The following CAMK4 variants were observed in gnomAD, a reference collection of about 807,000 sequenced individuals.
CAMK4 encodes the protein calcium/calmodulin dependent protein kinase IV, also known as calcium/calmodulin-dependent protein kinase type IV.
In CAMK4, 22 loss-of-function variants were observed where a neutral mutation model predicts 44.9. That is an observed-to-expected ratio of 0.49 (90% CI 0.35 to 0.70). The LOEUF is 0.70. Among genes scored for constraint, CAMK4 ranks in the 30% least tolerant of loss-of-function variants. The pLI is 0.01. For missense variants in CAMK4, 498 were observed against 586.8 expected (o/e 0.85, Z 1.56); for synonymous variants, 218 against 215.4 (o/e 1.01, Z -0.11).
chr5:111,372,826 C>G (rs1260076299), intron 2 of CAMK4, among the ~76,000 whole-genome samples: 1 of 152,134 alleles, frequency 6.6e-6, no homozygotes, highest in East Asian at 1.9e-4. Context: ...TTCCTTTACT[C>G]CTTTGCTGCA....
At chr5:111,260,359 T>C (rs1001487078) in intron 1 of CAMK4, among the ~76,000 whole-genome samples, 1 of 152,238 alleles carries the variant, frequency 6.6e-6, no homozygotes, top group Non-Finnish European at 1.5e-5. Flanking sequence ...TTCATTCCTT[T>C]GGCCCCACCT....
chr5:111,427,845 G>C (rs1407646968), intron 5 of CAMK4, among the ~76,000 whole-genome samples: 1 of 152,264 alleles, frequency 6.6e-6, no homozygotes, highest in Non-Finnish European at 1.5e-5. Context: ...AAGCCTGGAT[G>C]GCTTTGCCAC....
At chr5:111,363,770 G>A (rs1205120628) in intron 2 of CAMK4, among the ~76,000 whole-genome samples, 2 of 152,124 alleles carry the variant, frequency 1.3e-5, no homozygotes, top group African/African-American at 4.8e-5. Context: ...ATGAAGGACA[G>A]TGACATCAGA....
intron 5 of CAMK4, among the ~76,000 whole-genome samples, chr5:111,417,534 A>T (rs1231533135): frequency 1.3e-5 from 2 of 151,976 alleles, no homozygotes; most frequent in African/African-American, 4.8e-5. Context: ...TTAAAAAAAA[A>T]AAATTGTAAA....
chr5:111,353,429 T>A (rs1355720433), intron 2 of CAMK4, among the ~76,000 whole-genome samples: 1 of 152,068 alleles, frequency 6.6e-6, no homozygotes, highest in Admixed American at 6.6e-5. Flanking sequence ...CCTTGCTATA[T>A]GGATGTTATT....
rs530077839 is a variant in CAMK4, at chr5:111,386,696, C to T, written c.387-8014C>T. Among the ~76,000 whole-genome samples, 87 of 152,264 alleles carry T rather than the reference C, an allele frequency of 5.7e-4. 1 individual carries two copies. Among genetic ancestry groups the T allele is most frequent in the South Asian group, 4.1e-3 (20 of 4,828 alleles). On this transcript the variant is annotated intron_variant, in intron 4 of 10. Coordinates refer to ENST00000282356, the MANE Select transcript of CAMK4 (RefSeq NM_001744.6). ...TTAAATGATGGGAAGAAAAACACACCAACTGAGGAGAAGAGCACGGGCACC... is the reference window on the plus strand; with the variant it reads ...TTAAATGATGGGAAGAAAAACACACTAACTGAGGAGAAGAGCACGGGCACC...
At chr5:111,272,537 C>T (rs560079029) in intron 1 of CAMK4, among the ~76,000 whole-genome samples, 7 of 151,998 alleles carry the variant, frequency 4.6e-5, no homozygotes, top group East Asian at 1.9e-4. Context: ...AAAACTTAAA[C>T]GGGATTTAAC....
intron 1 of CAMK4, among the ~76,000 whole-genome samples, chr5:111,343,766 C>T (rs1405474083): frequency 6.6e-6 from 1 of 151,666 alleles, no homozygotes. Context: ...AATGCAGTAG[C>T]CCTAGTTATG....
chr5:111,268,195 T>C (rs915791177), intron 1 of CAMK4, among the ~76,000 whole-genome samples: 3 of 152,232 alleles, frequency 2.0e-5, no homozygotes, highest in African/African-American at 7.2e-5. Flanking sequence ...TTTATATATT[T>C]ACTTCCAGTG....
chr5:111,332,724 T>C (rs1749223176), intron 1 of CAMK4, among the ~76,000 whole-genome samples: 1 of 151,584 alleles, frequency 6.6e-6, no homozygotes, highest in African/African-American at 2.4e-5. Context: ...TGCATTTGGG[T>C]GTTATGCCTG....
At chr5:111,356,845 G>C (rs1032925547) in intron 2 of CAMK4, among the ~76,000 whole-genome samples, 1 of 152,010 alleles carries the variant, frequency 6.6e-6, no homozygotes, top group Admixed American at 6.6e-5. Context: ...AGGCATTCTT[G>C]TTCATCTTCT....
In CAMK4 at chr5:111,341,131, T is replaced by G. The variant is rs185761708; in HGVS notation, c.162-2893T>G. Among the ~76,000 whole-genome samples the G allele has an allele frequency of 6.7e-4, 101 of 151,412 alleles. 1 individual carries two copies. The highest frequency in any genetic ancestry group is 2.4e-3 in the African/African-American group (99 of 41,490). ...TTGAGAGTTATTTATTTATTCTAGA[T>G]ACAAGTCCTTTTAAGATATGTGATT... On this transcript the variant is annotated intron_variant, in intron 1 of 10. Transcript: ENST00000282356.
At chr5:111,243,369 T>G (rs1173279645) in intron 1 of CAMK4, among the ~76,000 whole-genome samples, 2 of 152,192 alleles carry the variant, frequency 1.3e-5, no homozygotes, top group Non-Finnish European at 2.9e-5. Flanking sequence ...AGACTCTGAG[T>G]GTAATCAGAC....
intron 5 of CAMK4, among the ~76,000 whole-genome samples, chr5:111,397,076 T>C (rs1319089265): frequency 6.6e-6 from 1 of 152,246 alleles, no homozygotes; most frequent in Admixed American, 6.5e-5. Flanking sequence ...TTTCTTGTTA[T>C]TATACATAAT....
At chr5:111,328,651 T>G (rs1749012262) in intron 1 of CAMK4, among the ~76,000 whole-genome samples, 1 of 152,066 alleles carries the variant, frequency 6.6e-6, no homozygotes. Context: ...GAGCATGGAA[T>G]GTTCTTCCAT....
chr5:111,263,162 A>G (rs1750068366), intron 1 of CAMK4, among the ~76,000 whole-genome samples: 1 of 152,232 alleles, frequency 6.6e-6, no homozygotes, highest in South Asian at 2.1e-4. Flanking sequence ...TGACTATGTC[A>G]GGTGATTTTC....
chr5:111,317,898 T>TAAAAAAAAA lies in CAMK4; in HGVS notation c.162-26104_162-26096dup, dbSNP rs3066636. 2.3e-3 allele frequency among the ~76,000 whole-genome samples: 163 copies of TAAAAAAAAA among 69,796 alleles called. 3 individuals carry two copies. Among genetic ancestry groups the TAAAAAAAAA allele is most frequent in the African/African-American group, 5.7e-3 (110 of 19,416 alleles). 45.8% of individuals were successfully genotyped at this position (69,796 alleles called of 152,430 possible). On this transcript the variant is annotated intron_variant, in intron 1 of 10. Transcript: ENST00000282356. Reference sequence around the variant, plus strand: ...ATCCTAAAGCCGGTGGAGTAATATGTAAAAAAAAAAAAAAAAAAAAAAAAA... The same window carrying TAAAAAAAAA: ...ATCCTAAAGCCGGTGGAGTAATATGTAAAAAAAAAAAAAAAAAAAAAAAAAAAAAAAAAA...
intron 1 of CAMK4, among the ~76,000 whole-genome samples, chr5:111,273,677 T>TTTTATATA (rs1418947550): frequency 9.7e-5 from 4 of 41,128 alleles, no homozygotes; most frequent in East Asian, 6.3e-4. Context: ...AAAAATGCAT[T>TTTTATATA]TATATATATA....
At position 111,418,454 on chromosome 5, in the gene CAMK4, T is replaced by A. The variant is rs569743798; in HGVS notation, c.459+23672T>A. Among the ~76,000 whole-genome samples, 13 of 151,724 alleles carry A rather than the reference T, an allele frequency of 8.6e-5. No individual in the cohort carries two copies. In the East Asian group the frequency reaches 2.1e-3, roughly 25 times the overall value. ...TTATCAGGAGACAGGGATTTTTTTT[T>A]TATATACTTTAAGTTTTAGGGTACA... On this transcript the variant is annotated intron_variant, in intron 5 of 10. Coordinates refer to ENST00000282356, the MANE Select transcript of CAMK4 (RefSeq NM_001744.6).
Sources: allele counts gnomAD v4.1 joint callset (sites outside exome capture counted in the v4.1 genomes callset), GRCh38; gene constraint gnomAD v4.1.1; transcripts MANE v1.5; gene names NCBI Gene and HGNC (gene_info 2026-07-23, HGNC 2026-07-21).